ZFP3: variants seen among roughly 807,000 people sequenced by gnomAD.
ZFP3 encodes the protein zinc finger protein 3 homolog.
A neutral mutation model predicts 36.7 loss-of-function variants in ZFP3; 18 were observed. The observed-to-expected ratio is 0.49, with a 90% CI of 0.34 to 0.73. The LOEUF is 0.73. Ranked by LOEUF, ZFP3 falls within the 30% of genes least tolerant of loss-of-function variation. ZFP3 has a pLI of 0.01. For missense variants in ZFP3, 495 were observed against 599.0 expected, an observed-to-expected ratio of 0.83 and a Z score of 1.81; for synonymous variants, 218 against 199.0, an observed-to-expected ratio of 1.10 and a Z score of -0.81.
At chr17:5,084,267 CTTTTTTTTTTTT>C (rs59148082) in intron 1 of ZFP3, among the ~76,000 whole-genome samples, 1 of 60,092 alleles carries the variant, frequency 1.7e-5, no homozygotes, top group African/African-American at 7.4e-5. Flanking sequence ...GTGAATGAGG[CTTTTTTTTTTTT>C]TTTTTTTTTT....
chr17:5,091,761 G>A lies in ZFP3; in HGVS notation c.257G>A (p.Arg86Gln), dbSNP rs147286912. Residue 86 changes from arginine (R) to glutamine (Q), a missense_variant, in exon 2 of 2, where the codon CGG becomes CAG. Arg to Gln is a conservative substitution (Grantham distance 43). This residue lies in a region of ZFP3 where 229 missense variants were observed against 233.8 expected (regional missense o/e 0.98). Transcript: ENST00000318833. The stretch of plus-strand genomic sequence containing the variant: ...AAATCACCCTCAAGTGAGAAAGACC[G>A]GGAGAATAATGAGAGTGAGAGAGGC... ...FKKSPSSEKD[R>Q]ENNESERGCS... 27 of 1,614,064 alleles carry A rather than the reference G, an allele frequency of 1.7e-5. No individual in the cohort carries two copies. The highest frequency in any genetic ancestry group is 3.3e-4 in the Middle Eastern group (2 of 6,084).
intron 1 of ZFP3, among the ~76,000 whole-genome samples, chr17:5,087,358 G>A (rs1297018495): frequency 1.3e-5 from 2 of 152,146 alleles, no homozygotes; most frequent in East Asian, 1.9e-4. Context: ...CATTAAAGGC[G>A]TGAGCCACCG....
intron 1 of ZFP3, among the ~76,000 whole-genome samples, chr17:5,083,385 C>T (rs1360853598): frequency 1.3e-5 from 2 of 151,988 alleles, no homozygotes; most frequent in Non-Finnish European, 2.9e-5. Flanking sequence ...CGGAGAAACC[C>T]CATCTCTACT....
At chr17:5,089,873 G>T (rs553518657) in intron 1 of ZFP3, among the ~76,000 whole-genome samples, 1 of 152,108 alleles carries the variant, frequency 6.6e-6, no homozygotes, top group East Asian at 1.9e-4. Flanking sequence ...ACCTAGGCTG[G>T]TCTTGAACTC....
intron 1 of ZFP3, among the ~76,000 whole-genome samples, chr17:5,084,835 T>C (rs1464529432): frequency 6.6e-6 from 1 of 152,194 alleles, no homozygotes; most frequent in Admixed American, 6.5e-5. Flanking sequence ...GAATTTGAAT[T>C]TAGGCTATGA....
intron 1 of ZFP3, among the ~76,000 whole-genome samples, chr17:5,079,961 C>T (rs192279201): frequency 3.9e-5 from 6 of 152,172 alleles, no homozygotes; most frequent in African/African-American, 1.4e-4. Flanking sequence ...ATCGCCTGAG[C>T]CTGGGAGGCG....
rs2072149906 is a variant in ZFP3, at chr17:5,091,584, A to C, written c.80A>C (p.Lys27Thr). The C allele has an allele frequency of 6.2e-7, 1 of 1,614,218 alleles. No homozygotes were observed. The highest frequency in any genetic ancestry group is 8.5e-7 in the Non-Finnish European group (1 of 1,180,036). The change falls in exon 2 of 2, where the codon AAA (lysine) becomes ACA (threonine). Residue 27 changes from lysine to threonine, a missense_variant. This residue lies in a region of ZFP3 where 229 missense variants were observed against 233.8 expected (regional missense o/e 0.98). Coordinates refer to ENST00000318833, the MANE Select transcript of ZFP3 (RefSeq NM_153018.3). ...ESEPHGSLLE[K>T]FPKVVYQGHE... Reference sequence around the variant, plus strand: ...GAGCCACATGGGTCATTATTAGAAAAATTTCCAAAAGTGGTTTACCAAGGT... The same window carrying C: ...GAGCCACATGGGTCATTATTAGAAACATTTCCAAAAGTGGTTTACCAAGGT...
chr17:5,084,570 C>T (rs1013293121), intron 1 of ZFP3, among the ~76,000 whole-genome samples: 6 of 152,018 alleles, frequency 3.9e-5, no homozygotes, highest in Non-Finnish European at 7.4e-5. Flanking sequence ...CCACCGCGCC[C>T]GGCCTGAATG....
chr17:5,083,945 C>T (rs1018286204), intron 1 of ZFP3, among the ~76,000 whole-genome samples: 1 of 151,944 alleles, frequency 6.6e-6, no homozygotes, highest in Admixed American at 6.6e-5. Context: ...CAGCTCACTG[C>T]AACCTCCACC....
intron 1 of ZFP3, among the ~76,000 whole-genome samples, chr17:5,081,072 A>C (rs962910596): frequency 3.3e-5 from 5 of 149,982 alleles, no homozygotes; most frequent in African/African-American, 1.2e-4. Flanking sequence ...TTGAAATCCC[A>C]ATGTTTTTTC....
At position 5,095,427 on chromosome 17, in the gene ZFP3, A is replaced by G. The variant is rs536847436; in HGVS notation, c.*2414A>G. On this transcript the variant is annotated 3_prime_UTR_variant, in exon 2 of 2. Transcript: ENST00000318833. Reference sequence around the variant, plus strand: ...TGTGCCCAGACCGTATCTTTCTCACATGAAACCTGGATCTCACCTATCCCT... The same window carrying G: ...TGTGCCCAGACCGTATCTTTCTCACGTGAAACCTGGATCTCACCTATCCCT... 8 of 167,168 alleles carry G rather than the reference A, an allele frequency of 4.8e-5. No individual in the cohort carries two copies. Among genetic ancestry groups the G allele is most frequent in the South Asian group, 2.1e-4 (1 of 4,822 alleles). 10.4% of individuals were successfully genotyped at this position (167,168 alleles called of 1,614,324 possible).
At chr17:5,084,350 A>C (rs2072109813) in intron 1 of ZFP3, among the ~76,000 whole-genome samples, 2 of 107,094 alleles carry the variant, frequency 1.9e-5, no homozygotes, top group South Asian at 6.6e-4. Flanking sequence ...ATCTCGGCTC[A>C]CTGCAAGCTC....
At position 5,092,775 on chromosome 17, in the gene ZFP3, A is replaced by G. The variant is rs774109155; in HGVS notation, c.1271A>G (p.Asn424Ser). The G allele has an allele frequency of 1.4e-5, 23 of 1,614,176 alleles. No individual in the cohort carries two copies. The South Asian group carries it at 2.4e-4, about 17-fold the overall frequency. The change falls in exon 2 of 2, where the codon AAT (asparagine) becomes AGT (serine). Residue 424 changes from asparagine (N) to serine (S), a missense_variant. By Grantham distance (46) the Asn-to-Ser change is conservative. This residue lies in a region of ZFP3 where 163 missense variants were observed against 178.4 expected (regional missense o/e 0.91). Coordinates refer to ENST00000318833, the MANE Select transcript of ZFP3 (RefSeq NM_153018.3). The surrounding 1 kb of genome is among the most constrained non-coding windows in gnomAD (Gnocchi z 5.0). Reference protein sequence around the residue: ...IHTGEKPHQCNECARTFWDNS... With the variant: ...IHTGEKPHQCSECARTFWDNS... The stretch of plus-strand genomic sequence containing the variant: ...ACTGGAGAGAAACCCCATCAATGTA[A>G]TGAGTGTGCAAGAACCTTTTGGGAT...
rs146326320 is a variant in ZFP3, at chr17:5,093,388, G to C, written c.*375G>C. On this transcript the variant is annotated 3_prime_UTR_variant, in exon 2 of 2. Transcript: ENST00000318833. ...CAGTGTGCTAAGTTAAATCATAAAA[G>C]CTCTTTCAGGCCTTAATTTCCCCTC... The C allele has an allele frequency of 5.4e-6, 1 of 185,982 alleles. No homozygotes were observed. Among genetic ancestry groups the C allele is most frequent in the East Asian group, 1.6e-4 (1 of 6,074 alleles). 11.5% of individuals were successfully genotyped at this position (185,982 alleles called of 1,614,324 possible).
rs2072172165 is a variant in ZFP3, at chr17:5,094,889, C to A, written c.*1876C>A. ...TTAATTTACATAGTGGTGCAACCAT[C>A]AATGATGTGGGTATTCTTACCCCAA... On this transcript the variant is annotated 3_prime_UTR_variant, in exon 2 of 2. Coordinates refer to ENST00000318833, the MANE Select transcript of ZFP3 (RefSeq NM_153018.3). 1 of 167,020 alleles carries A rather than the reference C, an allele frequency of 6.0e-6. No individual in the cohort carries two copies. Among genetic ancestry groups the A allele is most frequent in the African/African-American group, 2.4e-5 (1 of 41,420 alleles). The allele number at this position is 167,020 out of a possible 1,614,324, so 10.3% of individuals were successfully genotyped here.
chr17:5,081,173 C>T (rs898584727), intron 1 of ZFP3, among the ~76,000 whole-genome samples: 7 of 151,284 alleles, frequency 4.6e-5, no homozygotes, highest in African/African-American at 1.7e-4. Context: ...TCACTGCAAG[C>T]TCGGCCTGCC....
At chr17:5,088,883 G>T (rs748337997) in intron 1 of ZFP3, among the ~76,000 whole-genome samples, 1 of 152,202 alleles carries the variant, frequency 6.6e-6, no homozygotes, top group Non-Finnish European at 1.5e-5. Context: ...AAAGGATGAA[G>T]TTCCATACAT....
At position 5,094,226 on chromosome 17, in the gene ZFP3, T is replaced by TA. The variant is rs1479814165; in HGVS notation, c.*1220dup. The TA allele has an allele frequency of 6.0e-6, 1 of 167,110 alleles. No homozygotes were observed. Among genetic ancestry groups the TA allele is most frequent in the African/African-American group, 2.4e-5 (1 of 41,440 alleles). The allele number at this position is 167,110 out of a possible 1,614,324, so 10.4% of individuals were successfully genotyped here. On this transcript the variant is annotated 3_prime_UTR_variant, in exon 2 of 2. Transcript: ENST00000318833. ...GAAATTCTTTTTTCTTGAATAACTTTAAAAAAATAGAGATAAAGTCTTGCT... is the reference window on the plus strand; with the variant it reads ...GAAATTCTTTTTTCTTGAATAACTTTAAAAAAAATAGAGATAAAGTCTTGCT...
intron 1 of ZFP3, among the ~76,000 whole-genome samples, chr17:5,081,093 C>CTTTTTTTTTT (rs71367880): frequency 7.1e-6 from 1 of 141,602 alleles, no homozygotes. Flanking sequence ...TGTTTCTGTT[C>CTTTTTTTTTT]TTTTTTTTTT....
Sources: allele counts gnomAD v4.1 joint callset (sites outside exome capture counted in the v4.1 genomes callset), GRCh38; gene constraint gnomAD v4.1.1; regional missense constraint gnomAD v4.1.1; non-coding constraint Gnocchi (gnomAD v3.1); transcripts MANE v1.5; gene names NCBI Gene and HGNC (gene_info 2026-07-23, HGNC 2026-07-21).